TENM2: variants seen among roughly 807,000 people sequenced by gnomAD.
TENM2 encodes teneurin-2.
In TENM2, 52 loss-of-function variants were observed where a neutral mutation model predicts 245.2. That is an observed-to-expected ratio of 0.21 (90% CI 0.17 to 0.27). The LOEUF (loss-of-function observed/expected upper bound fraction) is 0.27. Ranked by LOEUF, TENM2 falls within the 10% of genes least tolerant of loss-of-function variation. The pLI is 1.00. For missense variants in TENM2, 3,046 were observed against 3,666.8 expected, an observed-to-expected ratio of 0.83 and a Z score of 4.37; for synonymous variants, 1,363 against 1,438.9, an observed-to-expected ratio of 0.95 and a Z score of 1.19.
chr5:167,497,371 A>G (rs1315389965), intron 2 of TENM2, among the ~76,000 whole-genome samples: 1 of 152,134 alleles, frequency 6.6e-6, no homozygotes, highest in Non-Finnish European at 1.5e-5. Flanking sequence ...GAATTATTCT[A>G]AAAAGATGTT....
At chr5:167,280,423 G>A (rs1362177908), upstream of TENM2, among the ~76,000 whole-genome samples, 2 of 152,160 alleles carry the variant, frequency 1.3e-5, no homozygotes, top group East Asian at 3.9e-4. Context: ...GAAGAGGAGA[G>A]CTTCACTATT....
chr5:167,753,253 G>A (rs1166050978), intron 2 of TENM2, among the ~76,000 whole-genome samples: 1 of 152,196 alleles, frequency 6.6e-6, no homozygotes, highest in Non-Finnish European at 1.5e-5. Context: ...ACTTGGAAGG[G>A]TTGGTCTGAA....
At chr5:167,217,954 C>A in the TENM2 span, among the ~76,000 whole-genome samples, 1 of 151,764 alleles carries the variant, frequency 6.6e-6, no homozygotes, top group African/African-American at 2.4e-5. Context: ...CTTCACAGTT[C>A]CCAAACTGTG....
chr5:167,864,828 C>T (rs1438529581), intron 2 of TENM2, among the ~76,000 whole-genome samples: 1 of 152,128 alleles, frequency 6.6e-6, no homozygotes, highest in African/African-American at 2.4e-5. Flanking sequence ...ATGTAAAGGG[C>T]TTGGAAATAA....
rs750612224 is a variant in TENM2, at chr5:167,952,585, C to A, written c.713-3C>A. On this transcript the variant is annotated splice_polypyrimidine_tract_variant and splice_region_variant and intron_variant, in intron 3 of 28. Coordinates refer to ENST00000518659, the Ensembl canonical transcript of TENM2. ...TAACAGTCATTTCTCCTTTTTTTTT[C>A]AGGCCCTCCGAACCACCACAGCCAG... 2 of 1,590,654 alleles carry A rather than the reference C, an allele frequency of 1.3e-6. No individual in the cohort carries two copies. Among genetic ancestry groups the A allele is most frequent in the East Asian group, 2.3e-5 (1 of 44,218 alleles).
At chr5:168,143,507 G>A (rs975255724) in intron 12 of TENM2, among the ~76,000 whole-genome samples, 7 of 152,304 alleles carry the variant, frequency 4.6e-5, no homozygotes, top group Admixed American at 3.9e-4. Context: ...TAAAACATTA[G>A]ATTGCATTAA....
intron 3 of TENM2, among the ~76,000 whole-genome samples, chr5:167,910,661 C>G (rs1776474719): frequency 6.6e-6 from 1 of 152,162 alleles, no homozygotes; most frequent in South Asian, 2.1e-4. Flanking sequence ...AACCTTTATA[C>G]TACAGTTTTA....
At chr5:168,057,728 CA>C (rs1254307831) in intron 6 of TENM2, among the ~76,000 whole-genome samples, 1 of 152,096 alleles carries the variant, frequency 6.6e-6, no homozygotes, top group Non-Finnish European at 1.5e-5. Context: ...CATGACTCTT[CA>C]AAAGGATCCA....
intron 1 of TENM2, among the ~76,000 whole-genome samples, chr5:167,366,221 C>A (rs1581853925): frequency 6.6e-6 from 1 of 151,852 alleles, no homozygotes; most frequent in African/African-American, 2.4e-5. Context: ...TTTTAAAAAG[C>A]CTAAACAATA....
chr5:167,235,131 G>C, the TENM2 span, among the ~76,000 whole-genome samples: 4 of 152,158 alleles, frequency 2.6e-5, no homozygotes, highest in Admixed American at 2.6e-4. Context: ...CTCTCTCTTT[G>C]ACTTGCAGAT....
exon 12 of TENM2, chr5:168,126,789 T>G: frequency 6.2e-7 from 1 of 1,613,162 alleles, no homozygotes; most frequent in Non-Finnish European, 8.5e-7. Context: ...TCACGGCGTC[T>G]GCATCGGGGG....
intron 2 of TENM2, among the ~76,000 whole-genome samples, chr5:167,700,694 A>G (rs977823519): frequency 6.6e-6 from 1 of 152,140 alleles, no homozygotes; most frequent in Non-Finnish European, 1.5e-5. Context: ...TTTCTGGGTT[A>G]TATGAAATTA....
At chr5:167,350,413 A>ATGTG (rs35747170) in intron 1 of TENM2, among the ~76,000 whole-genome samples, 1,979 of 141,896 alleles carry the variant, frequency 0.014, 20 homozygotes, top group South Asian at 0.022. Flanking sequence ...ATACATATAT[A>ATGTG]TGTGTGTGTG....
intron 3 of TENM2, among the ~76,000 whole-genome samples, chr5:167,947,179 A>G (rs1779694973): frequency 6.6e-6 from 1 of 152,120 alleles, no homozygotes; most frequent in African/African-American, 2.4e-5. Flanking sequence ...GGACTTGGAA[A>G]AGTTGGGCCC....
In TENM2 at chr5:167,715,742, A is replaced by G. The variant is rs185627876; in HGVS notation, c.503-160244A>G. 8.5e-5 allele frequency among the ~76,000 whole-genome samples: 13 copies of G among 152,324 alleles called. No homozygotes were observed. In the East Asian group the frequency reaches 2.1e-3, roughly 25 times the overall value. On this transcript the variant is annotated intron_variant, in intron 2 of 28. Transcript: ENST00000518659. Reference sequence around the variant, plus strand: ...TGACAGATGAAAAAGTTCACGTAGCAGAGTGGTGGGTTCAAAACTTGCCTC... The same window carrying G: ...TGACAGATGAAAAAGTTCACGTAGCGGAGTGGTGGGTTCAAAACTTGCCTC...
chr5:168,024,170 T>G (rs1786407221), intron 5 of TENM2, among the ~76,000 whole-genome samples: 1 of 152,144 alleles, frequency 6.6e-6, no homozygotes. Flanking sequence ...GCACTTTTCT[T>G]TGTTGGAATT....
chr5:167,763,965 C>T (rs967485079), intron 2 of TENM2, among the ~76,000 whole-genome samples: 2 of 151,864 alleles, frequency 1.3e-5, no homozygotes, highest in Non-Finnish European at 2.9e-5. Context: ...CATCTTTCTT[C>T]GTGGGAAGGT....
At chr5:167,238,412 AGAGT>A in the TENM2 span, among the ~76,000 whole-genome samples, 2 of 152,230 alleles carry the variant, frequency 1.3e-5, no homozygotes, top group Non-Finnish European at 2.9e-5. Flanking sequence ...CTTGCCACAT[AGAGT>A]ATTTCCTGCT....
the TENM2 span, among the ~76,000 whole-genome samples, chr5:167,261,764 C>T: frequency 6.6e-6 from 1 of 152,192 alleles, no homozygotes; most frequent in African/African-American, 2.4e-5. Flanking sequence ...CTGGAATGTG[C>T]ATGGATATAG....
Sources: allele counts gnomAD v4.1 joint callset (sites outside exome capture counted in the v4.1 genomes callset), GRCh38; gene constraint gnomAD v4.1.1; transcripts MANE v1.5; gene names NCBI Gene and HGNC (gene_info 2026-07-23, HGNC 2026-07-21).